Variants in NEBL observed in about 807,000 individuals in gnomAD.
The protein encoded by NEBL is nebulette.
In NEBL, 122 loss-of-function variants were observed where a neutral mutation model predicts 140.2. The ratio of observed to expected loss-of-function variants is 0.87; its 90% CI spans 0.75 to 1.01. The LOEUF (loss-of-function observed/expected upper bound fraction) is 1.01. Ranked by LOEUF, NEBL falls within the 50% of genes least tolerant of loss-of-function variation. The probability of loss-of-function intolerance (pLI) is 0.00; values close to 1 mark genes in which losing one functional copy is unlikely to be tolerated. For missense variants in NEBL, 1,365 were observed against 1,231.3 expected, an observed-to-expected ratio of 1.11 and a Z score of -1.62; for synonymous variants, 436 against 398.9, an observed-to-expected ratio of 1.09 and a Z score of -1.11.
At chr10:20,928,581 G>A (rs1834023775) in intron 4 of NEBL, among the ~76,000 whole-genome samples, 1 of 152,224 alleles carries the variant, frequency 6.6e-6, no homozygotes, top group Admixed American at 6.5e-5. Context: ...TCCGTTGTGG[G>A]TGTCTCACTT....
At chr10:20,982,584 GA>G (rs1160347046) in intron 3 of NEBL, among the ~76,000 whole-genome samples, 1 of 152,084 alleles carries the variant, frequency 6.6e-6, no homozygotes, top group Non-Finnish European at 1.5e-5. Context: ...TATTTCTGTT[GA>G]AAAGATGTTT....
Position 21,288,818 on chromosome 10 carries a change from GTGTATA to G in NEBL, n.182+4006_182+4011del, listed in dbSNP as rs1284518668. ...CATCTGACAATATATACGTGTGTGT[GTGTATA>G]TATATATATATATATATATATATAT... On this transcript the variant is annotated intron_variant and non_coding_transcript_variant, in intron 1 of 8. Coordinates refer to the NEBL transcript ENST00000675702. Among the ~76,000 whole-genome samples, 132 of 32,660 alleles carry G rather than the reference GTGTATA, an allele frequency of 4.0e-3. 11 individuals are homozygous for G. Among genetic ancestry groups the G allele is most frequent in the East Asian group, 0.04 (20 of 500 alleles). 21.4% of individuals were successfully genotyped at this position (32,660 alleles called of 152,430 possible). A position where few individuals can be genotyped will look rare whatever the true frequency, so the allele number is the denominator to read the frequency against.
intron 4 of NEBL, among the ~76,000 whole-genome samples, chr10:20,882,716 A>T (rs1225111782): frequency 6.6e-6 from 1 of 151,986 alleles, no homozygotes; most frequent in Non-Finnish European, 1.5e-5. Context: ...TTTTACAACT[A>T]AAGTCATTGA....
At chr10:21,078,427 A>G (rs1836204586) in intron 2 of NEBL, among the ~76,000 whole-genome samples, 1 of 152,200 alleles carries the variant, frequency 6.6e-6, no homozygotes, top group African/African-American at 2.4e-5. Context: ...TAATAATATA[A>G]ATGGTTTCCT....
intron 2 of NEBL, among the ~76,000 whole-genome samples, chr10:21,084,078 A>G (rs1022495306): frequency 1.3e-5 from 2 of 152,184 alleles, no homozygotes; most frequent in African/African-American, 4.8e-5. Context: ...GGGTAGCACA[A>G]GCTGGTTTTT....
intron 2 of NEBL, among the ~76,000 whole-genome samples, chr10:21,055,353 C>A (rs1229327043): frequency 1.3e-5 from 2 of 152,124 alleles, no homozygotes; most frequent in Non-Finnish European, 2.9e-5. Flanking sequence ...ATTTCTAAAT[C>A]GGCTAATTCA....
rs142261177 is a variant in NEBL, at chr10:20,905,184, G to C, written c.357+56488C>G. On this transcript the variant is annotated intron_variant, in intron 4 of 6. Coordinates refer to the NEBL transcript ENST00000417816. ...AACACATGAAAAACTAGATGATTTGGCACTTTTTGGAGAAAGTGTAATATA... is the reference window on the plus strand; with the variant it reads ...AACACATGAAAAACTAGATGATTTGCCACTTTTTGGAGAAAGTGTAATATA... 6.2e-3 allele frequency among the ~76,000 whole-genome samples: 949 copies of C among 152,266 alleles called. 4 individuals carry two copies. Among genetic ancestry groups the C allele is most frequent in the African/African-American group, 0.021 (873 of 41,550 alleles).
At chr10:21,208,746 T>C (rs778825424) in intron 3 of NEBL, among the ~76,000 whole-genome samples, 2 of 152,094 alleles carry the variant, frequency 1.3e-5, no homozygotes, top group African/African-American at 4.8e-5. Context: ...GTCACATACA[T>C]TCCTTCCACC....
At chr10:21,085,318 A>C (rs1281793391) in intron 2 of NEBL, among the ~76,000 whole-genome samples, 1 of 152,100 alleles carries the variant, frequency 6.6e-6, no homozygotes, top group Non-Finnish European at 1.5e-5. Context: ...TTTTCAGTTA[A>C]TTTGTTTTAA....
chr10:21,130,815 T>C (rs371205796), intron 2 of NEBL, among the ~76,000 whole-genome samples: 41 of 151,892 alleles, frequency 2.7e-4, no homozygotes, highest in Non-Finnish European at 5.6e-4. Flanking sequence ...AATCTAACTT[T>C]CCACTTTAAG....
At chr10:21,027,030 G>A (rs1377187931) in intron 2 of NEBL, among the ~76,000 whole-genome samples, 2 of 152,144 alleles carry the variant, frequency 1.3e-5, no homozygotes, top group Non-Finnish European at 2.9e-5. Context: ...GGAGTTAAGC[G>A]CATCTTGTGT....
chr10:21,043,908 A>G lies in NEBL; in HGVS notation c.165-23707T>C, dbSNP rs1589167674. ...TCAGGATGAGAAGAGAGAATTATAA[A>G]ATGAGTGGAGAGATCCTAGTCTACA... On this transcript the variant is annotated intron_variant, in intron 2 of 6. Coordinates refer to the NEBL transcript ENST00000417816. 2.6e-5 allele frequency among the ~76,000 whole-genome samples: 4 copies of G among 152,230 alleles called. No individual in the cohort carries two copies. The South Asian group carries it at 8.3e-4, about 31-fold the overall frequency.
chr10:20,976,982 C>T (rs547547475), intron 3 of NEBL, among the ~76,000 whole-genome samples: 1 of 150,204 alleles, frequency 6.7e-6, no homozygotes, highest in African/African-American at 2.4e-5. Context: ...GGAACATAGC[C>T]AACCAAAAAC....
At chr10:21,068,378 A>T (rs1157730193) in intron 2 of NEBL, among the ~76,000 whole-genome samples, 1 of 152,158 alleles carries the variant, frequency 6.6e-6, no homozygotes, top group African/African-American at 2.4e-5. Flanking sequence ...GGGCTGTTTC[A>T]ACCCCTACTC....
intron 26 of NEBL, among the ~76,000 whole-genome samples, chr10:20,791,632 C>A (rs1364920508): frequency 1.3e-5 from 2 of 151,944 alleles, no homozygotes; most frequent in East Asian, 3.9e-4. Flanking sequence ...CAGTCTCAAG[C>A]AATTATCTTG....
intron 3 of NEBL, among the ~76,000 whole-genome samples, chr10:21,212,228 G>T (rs926778809): frequency 1.3e-5 from 2 of 151,494 alleles, no homozygotes; most frequent in Admixed American, 1.3e-4. Flanking sequence ...ACAAATATAT[G>T]ATTTATTATG....
At chr10:20,993,046 G>C (rs1837529653) in intron 3 of NEBL, among the ~76,000 whole-genome samples, 1 of 151,902 alleles carries the variant, frequency 6.6e-6, no homozygotes, top group Non-Finnish European at 1.5e-5. Flanking sequence ...GCCTCCCAAA[G>C]TGCTGGGATT....
chr10:20,881,518 G>A (rs1462063228), intron 4 of NEBL, among the ~76,000 whole-genome samples: 1 of 152,216 alleles, frequency 6.6e-6, no homozygotes, highest in Non-Finnish European at 1.5e-5. Context: ...AGAAGTAGAT[G>A]TAACCAAACT....
intron 2 of NEBL, among the ~76,000 whole-genome samples, chr10:21,146,009 TG>T (rs1839874009): frequency 2.0e-5 from 3 of 152,076 alleles, no homozygotes. Flanking sequence ...TCCTCGCCCC[TG>T]GAACAAAATG....
Sources: allele counts gnomAD v4.1 joint callset (sites outside exome capture counted in the v4.1 genomes callset), GRCh38; gene constraint gnomAD v4.1.1; transcripts MANE v1.5; gene names NCBI Gene and HGNC (gene_info 2026-07-23, HGNC 2026-07-21).